The following STAU2 variants were observed in gnomAD, a reference collection of about 807,000 sequenced individuals.
STAU2 encodes staufen double-stranded RNA binding protein 2.
In STAU2, 20 loss-of-function variants were observed where a neutral mutation model predicts 65.9. The observed-to-expected ratio is 0.30, with a 90% CI of 0.21 to 0.44. The LOEUF (loss-of-function observed/expected upper bound fraction) is 0.44, where lower values mean the gene tolerates loss of function less well. Among genes scored for constraint, STAU2 ranks in the 20% least tolerant of loss-of-function variants. STAU2 has a pLI of 1.00. For missense variants in STAU2, 558 were observed against 683.9 expected, an observed-to-expected ratio of 0.82 and a Z score of 2.05; for synonymous variants, 232 against 233.9, an observed-to-expected ratio of 0.99 and a Z score of 0.07.
chr8:73,465,765 TGTCTTTC>T (rs1819621390), intron 13 of STAU2, among the ~76,000 whole-genome samples: 1 of 152,228 alleles, frequency 6.6e-6, no homozygotes, highest in Non-Finnish European at 1.5e-5. Flanking sequence ...CTTCCCTTGT[TGTCTTTC>T]ATTCTATTGC....
chr8:73,472,693 T>TGA (rs1820099605), intron 13 of STAU2, among the ~76,000 whole-genome samples: 1 of 151,958 alleles, frequency 6.6e-6, no homozygotes, highest in Non-Finnish European at 1.5e-5. Context: ...ATGGCTCATA[T>TGA]AATAGAGAGA....
chr8:73,719,935 T>C (rs1821521263), intron 3 of STAU2, among the ~76,000 whole-genome samples: 1 of 151,844 alleles, frequency 6.6e-6, no homozygotes, highest in Admixed American at 6.6e-5. Context: ...GGACCTAGAG[T>C]TTTCTTTTTA....
chr8:73,468,785 C>A lies in STAU2; in HGVS notation c.1531-46083G>T, dbSNP rs539458312. Among the ~76,000 whole-genome samples the A allele has an allele frequency of 5.3e-5, 8 of 151,950 alleles. No individual in the cohort carries two copies. The East Asian group carries it at 1.6e-3, about 30-fold the overall frequency. On this transcript the variant is annotated intron_variant, in intron 13 of 14. Coordinates refer to ENST00000524300, the MANE Select transcript of STAU2 (RefSeq NM_001164380.2). Reference sequence around the variant, plus strand: ...ACCACACACCAGTTAGAATGGCAATCATTAAAAAGTCAGGAAACGACAGGT... The same window carrying A: ...ACCACACACCAGTTAGAATGGCAATAATTAAAAAGTCAGGAAACGACAGGT...
At chr8:73,572,220 T>C (rs776943240) in intron 12 of STAU2, among the ~76,000 whole-genome samples, 1 of 152,182 alleles carries the variant, frequency 6.6e-6, no homozygotes, top group Non-Finnish European at 1.5e-5. Flanking sequence ...AATCCCTGAA[T>C]AGACCAATAA....
intron 13 of STAU2, 188 bp downstream of exon 13, chr8:73,551,824 C>G (rs1252019622): frequency 1.6e-6 from 2 of 1,267,740 alleles, no homozygotes; most frequent in Non-Finnish European, 9.9e-7. Context: ...CTAGATAGAT[C>G]AAAAATAAGA....
intron 6 of STAU2, among the ~76,000 whole-genome samples, chr8:73,634,611 T>TA (rs1373193876): frequency 6.6e-6 from 1 of 152,236 alleles, no homozygotes; most frequent in Non-Finnish European, 1.5e-5. Flanking sequence ...TACAAGGCCT[T>TA]ACATAAATCA....
intron 6 of STAU2, among the ~76,000 whole-genome samples, chr8:73,666,458 T>G (rs1817248336): frequency 6.6e-6 from 1 of 152,194 alleles, no homozygotes; most frequent in Admixed American, 6.5e-5. Flanking sequence ...ACAGATTTAT[T>G]TCACAGGGGT....
chr8:73,424,890 CG>C (rs1554587999), intron 13 of STAU2, among the ~76,000 whole-genome samples: 1 of 151,894 alleles, frequency 6.6e-6, no homozygotes, highest in Non-Finnish European at 1.5e-5. Context: ...AGCCCTGGCC[CG>C]GGCATCCCGA....
At chr8:73,666,741 A>C (rs1817270445) in intron 6 of STAU2, among the ~76,000 whole-genome samples, 1 of 151,830 alleles carries the variant, frequency 6.6e-6, no homozygotes, top group South Asian at 2.1e-4. Flanking sequence ...TTAACAAATA[A>C]ACAAACCCTT....
At chr8:73,549,655 ATACAATGGCTCTAG>A in intron 13 of STAU2, 1 of 985,388 alleles carries the variant, frequency 1.0e-6, no homozygotes, top group Non-Finnish European at 1.2e-6. Flanking sequence ...TAGCTGTCAC[ATACAATGGCTCTAG>A]TAGGCTTAAA....
intron 13 of STAU2, among the ~76,000 whole-genome samples, chr8:73,532,552 C>T (rs947675000): frequency 1.3e-5 from 2 of 152,042 alleles, no homozygotes; most frequent in Non-Finnish European, 2.9e-5. Flanking sequence ...GTGGTGTGCC[C>T]AGGAGTTTGA....
At chr8:73,710,377 T>C (rs1215572333) in intron 3 of STAU2, among the ~76,000 whole-genome samples, 4 of 66,356 alleles carry the variant, frequency 6.0e-5, no homozygotes, top group African/African-American at 2.0e-4. Flanking sequence ...GCTTCTATCC[T>C]TTTTTTTTTT....
chr8:73,574,415 C>G (rs1809354183), intron 12 of STAU2, among the ~76,000 whole-genome samples: 1 of 152,096 alleles, frequency 6.6e-6, no homozygotes. Flanking sequence ...GGTATATACC[C>G]AAAGGATTAT....
At chr8:73,669,237 T>C (rs1194068960) in intron 6 of STAU2, 9 of 581,846 alleles carry the variant, frequency 1.5e-5, no homozygotes, top group Middle Eastern at 2.7e-4. Context: ...ACTAGTACTT[T>C]CCGATATTCT....
chr8:73,436,802 G>A (rs1195995330), intron 13 of STAU2, among the ~76,000 whole-genome samples: 1 of 151,918 alleles, frequency 6.6e-6, no homozygotes, highest in Non-Finnish European at 1.5e-5. Context: ...GGCCGGGCTG[G>A]TCTCAAACTC....
intron 9 of STAU2, among the ~76,000 whole-genome samples, chr8:73,604,556 G>A (rs112365208): frequency 2.4e-3 from 364 of 152,050 alleles, no homozygotes; most frequent in Non-Finnish European, 4.0e-3. Context: ...TTAAAAAGAC[G>A]TATCCGGTAT....
At chr8:73,687,638 A>G (rs937183899) in intron 5 of STAU2, among the ~76,000 whole-genome samples, 2 of 151,058 alleles carry the variant, frequency 1.3e-5, no homozygotes, top group Non-Finnish European at 2.9e-5. Flanking sequence ...CTTGGGTTCA[A>G]GCAATCCTCT....
chr8:73,526,550 TAAG>T (rs1487407035), intron 13 of STAU2, among the ~76,000 whole-genome samples: 5 of 152,304 alleles, frequency 3.3e-5, no homozygotes, highest in Admixed American at 2.0e-4. Flanking sequence ...ATTAGTTAGG[TAAG>T]ACTATTAGAA....
At chr8:73,657,580 G>A (rs1189687331) in intron 6 of STAU2, among the ~76,000 whole-genome samples, 2 of 151,816 alleles carry the variant, frequency 1.3e-5, no homozygotes, top group African/African-American at 2.4e-5. Context: ...ATTTTTAGAA[G>A]GTATATATTA....
Sources: gnomAD v4.1 joint callset for allele counts (sites outside exome capture counted in the v4.1 genomes callset) on GRCh38, gnomAD v4.1.1 for gene constraint, MANE v1.5 for transcripts, NCBI Gene and HGNC (gene_info 2026-07-23, HGNC 2026-07-21) for gene names.